PPFIA3: variants seen among roughly 807,000 people sequenced by gnomAD.
PPFIA3 encodes liprin-alpha-3.
In PPFIA3, 26 loss-of-function variants were observed where a neutral mutation model predicts 145.8. The observed-to-expected ratio is 0.18, with a 90% CI of 0.13 to 0.25. The LOEUF (loss-of-function observed/expected upper bound fraction) is 0.25. PPFIA3 is among the 10% of genes least tolerant of loss of function. The probability of loss-of-function intolerance (pLI) is 1.00; values close to 1 mark genes in which losing one functional copy is unlikely to be tolerated. For missense variants in PPFIA3, 1,008 were observed against 1,587.8 expected, an observed-to-expected ratio of 0.63 and a Z score of 6.21; for synonymous variants, 645 against 661.4, an observed-to-expected ratio of 0.98 and a Z score of 0.38.
chr19:49,149,685 C>A lies in PPFIA3; in HGVS notation c.3493C>A (p.Pro1165Thr). 6.2e-7 allele frequency: 1 copy of A among 1,612,952 alleles called. No homozygotes were observed. The highest frequency in any genetic ancestry group is 8.5e-7 in the Non-Finnish European group (1 of 1,179,386). The change falls in exon 28 of 30, where the codon CCG (proline) becomes ACG (threonine). Residue 1165 changes from proline (P) to threonine (T), a missense_variant. This residue lies in a region of PPFIA3 where 125 missense variants were observed against 159.3 expected (regional missense o/e 0.78). Coordinates refer to ENST00000334186, the MANE Select transcript of PPFIA3 (RefSeq NM_003660.4). This position sits in a 1 kb window ranked among gnomAD's most constrained non-coding sequence, Gnocchi z 5.7. ...RSAAAGALGS[P>T]GLPLRKLQPE... ...GGCTGCAGCGGGAGCCCTGGGCTCT[C>A]CGGGGCTCCCTCTCCGCAAGCTGCA...
intron 19 of PPFIA3, 90 bp downstream of exon 19, chr19:49,141,603 TGTGTGTGTGTGTGAGAGGGTGTGTGA>T (rs1337423248): frequency 4.6e-6 from 4 of 869,656 alleles, no homozygotes; most frequent in African/African-American, 3.5e-5. Context: ...TGTGTATGAG[TGTGTGTGTGTGTGAGAGGGTGTGTGA>T]GTGTGTGTGT....
rs866950482 is a variant in PPFIA3 at position 49,120,149 on chromosome 19, C to G, written c.-16+427C>G. On this transcript the variant is annotated intron_variant, in intron 1 of 29. Coordinates refer to ENST00000334186, the MANE Select transcript of PPFIA3 (RefSeq NM_003660.4). This position sits in a 1 kb window ranked among gnomAD's most constrained non-coding sequence, Gnocchi z 4.6. ...GCACAGCCGGCTGCGTCCCACGGTC[C>G]AGGCAGGCTCGGCGGCCGCCCTGGA... 1.3e-5 allele frequency among the ~76,000 whole-genome samples: 2 copies of G among 152,120 alleles called. No homozygotes were observed. Among genetic ancestry groups the G allele is most frequent in the Non-Finnish European group, 2.9e-5 (2 of 68,000 alleles).
At chr19:49,141,287 C>A (rs2041218091) in intron 18 of PPFIA3, 133 bp from the exon 19 acceptor site, 3 of 633,030 alleles carry the variant, frequency 4.7e-6, no homozygotes, top group African/African-American at 1.9e-5. Context: ...GCCTTTATCA[C>A]TTCCTCGATG....
chr19:49,150,269 G>A lies in PPFIA3; in HGVS notation c.*47G>A, dbSNP rs1686112310. 18 of 1,008,930 alleles carry A rather than the reference G, an allele frequency of 1.8e-5. No individual in the cohort carries two copies. The South Asian group carries it at 2.4e-4, about 13-fold the overall frequency. 62.5% of individuals were successfully genotyped at this position (1,008,930 alleles called of 1,614,324 possible). On this transcript the variant is annotated 3_prime_UTR_variant, in exon 30 of 30. Transcript: ENST00000334186. ...ACTCGGACGGAAGAATCTTCCCGAG[G>A]CTGGGCTGTTCCCTCTCCTGCCCGG...
At chr19:49,127,314 G>A (rs940623662) in intron 1 of PPFIA3, among the ~76,000 whole-genome samples, 1 of 149,510 alleles carries the variant, frequency 6.7e-6, no homozygotes, top group African/African-American at 2.5e-5. Context: ...CCGGGACCCG[G>A]GAGGTGGAGG....
At chr19:49,138,935 C>T (rs2041174810) in intron 16 of PPFIA3, among the ~76,000 whole-genome samples, 1 of 151,520 alleles carries the variant, frequency 6.6e-6, no homozygotes, top group South Asian at 2.1e-4. Context: ...TGTGCCACTG[C>T]ACTCCAACCT....
At position 49,149,477 on chromosome 19, in the gene PPFIA3, G is replaced by A; in HGVS notation, c.3355-70G>A. 6.3e-7 allele frequency: 1 copy of A among 1,596,776 alleles called. No individual in the cohort carries two copies. Among genetic ancestry groups the A allele is most frequent in the East Asian group, 2.2e-5 (1 of 44,686 alleles). ...GGAGAGGTGAGACCCGGAGAGGGGT[G>A]GAGTCAAAGGAAGGGGCGGAGTCAG... On this transcript the variant is annotated intron_variant, in intron 27 of 29. Coordinates refer to ENST00000334186, the MANE Select transcript of PPFIA3 (RefSeq NM_003660.4). The surrounding 1 kb of genome is among the most constrained non-coding windows in gnomAD (Gnocchi z 5.7).
intron 23 of PPFIA3, among the ~76,000 whole-genome samples, chr19:49,147,000 G>GT (rs1488899359): frequency 3.3e-5 from 5 of 152,322 alleles, no homozygotes; most frequent in South Asian, 4.1e-4. Context: ...GAGGAATTAT[G>GT]TTTGACTGTG....
In PPFIA3 at chr19:49,120,510, T is replaced by A. The variant is rs578189973; in HGVS notation, c.-16+788T>A. 2.6e-5 allele frequency among the ~76,000 whole-genome samples: 4 copies of A among 152,238 alleles called. No individual in the cohort carries two copies. The East Asian group carries it at 7.7e-4, about 29-fold the overall frequency. On this transcript the variant is annotated intron_variant, in intron 1 of 29. Coordinates refer to ENST00000334186, the MANE Select transcript of PPFIA3 (RefSeq NM_003660.4). The surrounding 1 kb of genome is among the most constrained non-coding windows in gnomAD (Gnocchi z 4.6). ...ACCCCGTTCGGGAAGCCTGTCCGTG[T>A]CTACACCTCTGCTGGCCCCAGGTGG... is the stretch of plus-strand genomic sequence containing the variant.
Position 49,141,467 on chromosome 19 carries a change from G to T in PPFIA3, c.2416G>T (p.Ala806Ser), listed in dbSNP as rs777896496. The T allele has an allele frequency of 6.2e-7, 1 of 1,614,002 alleles. No individual in the cohort carries two copies. The highest frequency in any genetic ancestry group is 1.7e-5 in the Admixed American group (1 of 60,006). The change falls in exon 19 of 30, where the codon GCC becomes TCC. Residue 806 changes from alanine to serine, a missense_variant. By Grantham distance (99) the Ala-to-Ser change is moderately conservative. Transcript: ENST00000334186. ...ACTGGCCACTGACCCTCTGGGGCTA[G>T]CCAAGCTGACAGGCCCAGGAGACAA... Reference protein sequence around the residue: ...ETLATDPLGLAKLTGPGDKDR... With the variant: ...ETLATDPLGLSKLTGPGDKDR...
rs1296984041 is a variant in PPFIA3, at chr19:49,138,321, C to A, written c.1970C>A (p.Pro657His). The change falls in exon 16 of 30, where the codon CCC becomes CAC. Residue 657 changes from proline (P) to histidine (H), a missense_variant. Pro to His is a moderately conservative substitution (Grantham distance 77). Coordinates refer to ENST00000334186, the MANE Select transcript of PPFIA3 (RefSeq NM_003660.4). ...TACCGCAGCAGCTGCTCCCTGCCCC[C>A]CTCCCTCACCACCTCTACCCTTGCC... ...GRYRSSCSLP[P>H]SLTTSTLASP... 18 of 1,612,950 alleles carry A rather than the reference C, an allele frequency of 1.1e-5. No individual in the cohort carries two copies. Among genetic ancestry groups the A allele is most frequent in the Admixed American group, 1.7e-5 (1 of 59,966 alleles).
At chr19:49,121,071 C>T (rs571971429) in intron 1 of PPFIA3, among the ~76,000 whole-genome samples, 1 of 152,300 alleles carries the variant, frequency 6.6e-6, no homozygotes, top group Non-Finnish European at 1.5e-5. Flanking sequence ...CCTGTCTCAT[C>T]CTCATGTCAC....
intron 16 of PPFIA3, 30 bp from the exon 17 acceptor site, chr19:49,139,638 C>G (rs2041188916): frequency 2.0e-6 from 3 of 1,537,128 alleles, no homozygotes; most frequent in Non-Finnish European, 2.6e-6. Flanking sequence ...TCTTTGAACT[C>G]AATCCAGCAT....
chr19:49,133,781 G>A lies in PPFIA3; in HGVS notation c.1162-15G>A, dbSNP rs1308782894. The A allele has an allele frequency of 1.2e-6, 2 of 1,612,510 alleles. No individual in the cohort carries two copies. The highest frequency in any genetic ancestry group is 1.7e-6 in the Non-Finnish European group (2 of 1,179,532). On this transcript the variant is annotated splice_polypyrimidine_tract_variant and intron_variant, in intron 9 of 29. Transcript: ENST00000334186. The surrounding 1 kb of genome is among the most constrained non-coding windows in gnomAD (Gnocchi z 7.2). ...CTGGAAGGGTAAGTCACACGCCATGGGTTCCATCTCCTAGGCCGAGGAACG... is the reference window on the plus strand; with the variant it reads ...CTGGAAGGGTAAGTCACACGCCATGAGTTCCATCTCCTAGGCCGAGGAACG...
chr19:49,147,044 C>T (rs1369236690), intron 23 of PPFIA3, among the ~76,000 whole-genome samples: 4 of 152,204 alleles, frequency 2.6e-5, no homozygotes, highest in Admixed American at 1.3e-4. Context: ...CAGGGGGAGG[C>T]GTGGATTTTG....
rs374378332 is a variant in PPFIA3 at position 49,134,014 on chromosome 19, C to A, written c.1246-20C>A. ...TGGGCAGGGTGGGCTTAACAACCCG[C>A]CCCGCTCTGCTTTGCGCAGGCCCGG... On this transcript the variant is annotated intron_variant, in intron 10 of 29. Coordinates refer to ENST00000334186, the MANE Select transcript of PPFIA3 (RefSeq NM_003660.4). 1.4e-4 allele frequency: 233 copies of A among 1,608,494 alleles called. No homozygotes were observed. The highest frequency in any genetic ancestry group is 2.9e-5 in the Non-Finnish European group (34 of 1,177,428).
At chr19:49,124,359 C>T (rs534067373) in intron 1 of PPFIA3, among the ~76,000 whole-genome samples, 1 of 152,052 alleles carries the variant, frequency 6.6e-6, no homozygotes, top group East Asian at 1.9e-4. Context: ...GCGCCTGGCC[C>T]CCTGCTATAT....
At chr19:49,122,037 T>C (rs561111657) in intron 1 of PPFIA3, among the ~76,000 whole-genome samples, 2 of 151,956 alleles carry the variant, frequency 1.3e-5, no homozygotes, top group African/African-American at 4.8e-5. Flanking sequence ...CTGTGTTCCA[T>C]TTTCATTCCA....
intron 20 of PPFIA3, 48 bp from the exon 21 acceptor site, chr19:49,142,756 C>G (rs768963936): frequency 1.3e-6 from 2 of 1,513,176 alleles, no homozygotes; most frequent in South Asian, 2.3e-5. Context: ...CCGATTTTCT[C>G]CTCCTCTGTC....
Sources: allele counts gnomAD v4.1 joint callset (sites outside exome capture counted in the v4.1 genomes callset), GRCh38; gene constraint gnomAD v4.1.1; regional missense constraint gnomAD v4.1.1; non-coding constraint Gnocchi (gnomAD v3.1); transcripts MANE v1.5; gene names NCBI Gene and HGNC (gene_info 2026-07-23, HGNC 2026-07-21).